Variants in GPATCH8 observed in about 807,000 individuals in gnomAD.
GPATCH8 encodes G-patch domain containing 8, also known as G patch domain-containing protein 8.
GPATCH8 carries 18 observed loss-of-function variants against 118.3 expected under a neutral mutation model. The observed-to-expected ratio is 0.15, with a 90% CI of 0.11 to 0.23. The LOEUF is 0.23. GPATCH8 is among the 10% of genes least tolerant of loss of function. The probability of loss-of-function intolerance (pLI) is 1.00; values close to 1 mark genes in which losing one functional copy is unlikely to be tolerated. For missense variants in GPATCH8, 1,631 were observed against 1,873.8 expected, an observed-to-expected ratio of 0.87 and a Z score of 2.39; for synonymous variants, 659 against 684.7, an observed-to-expected ratio of 0.96 and a Z score of 0.59.
intron 1 of GPATCH8, among the ~76,000 whole-genome samples, chr17:44,494,044 T>C (rs1969483105): frequency 6.6e-6 from 1 of 152,218 alleles, no homozygotes; most frequent in Non-Finnish European, 1.5e-5. Context: ...GCCTTAATGA[T>C]GTACTCTCAT....
chr17:44,494,319 C>T (rs983714913), intron 1 of GPATCH8, among the ~76,000 whole-genome samples: 2 of 152,072 alleles, frequency 1.3e-5, no homozygotes, highest in African/African-American at 2.4e-5. Flanking sequence ...CGGCCGGGCA[C>T]GGTGGCTCAC....
rs113202833 is a variant in GPATCH8, at chr17:44,428,917, G to A, written c.349-4425C>T. 5.6e-3 allele frequency among the ~76,000 whole-genome samples: 853 copies of A among 152,040 alleles called. 13 individuals are homozygous for A. The highest frequency in any genetic ancestry group is 0.02 in the African/African-American group (819 of 41,446). ...AGCACTGTGGGAGGCCGAGGTGGGC[G>A]GTTCACGAGGTCAGGAGATCGAGAC... On this transcript the variant is annotated intron_variant, in intron 5 of 7. Transcript: ENST00000591680.
At chr17:44,473,438 A>G (rs1190672915) in intron 2 of GPATCH8, 2 of 152,176 alleles carry the variant, frequency 1.3e-5, no homozygotes, top group Non-Finnish European at 2.9e-5. Context: ...CCCGGCCTAA[A>G]ATCAGTGATT....
chr17:44,494,673 A>G lies in GPATCH8; in HGVS notation c.45+8653T>C, dbSNP rs530681627. Among the ~76,000 whole-genome samples the G allele has an allele frequency of 8.5e-4, 129 of 152,314 alleles. 1 individual carries two copies. Among genetic ancestry groups the G allele is most frequent in the African/African-American group, 2.9e-3 (121 of 41,568 alleles). On this transcript the variant is annotated intron_variant, in intron 1 of 7. Transcript: ENST00000591680. ...CCTCTACTCCTTTGCTCCTATTCAC[A>G]TTAACTCTGGTTAAGAGAGACTGGT...
chr17:44,496,420 T>C (rs971955294), intron 1 of GPATCH8, among the ~76,000 whole-genome samples: 2 of 152,192 alleles, frequency 1.3e-5, no homozygotes, highest in Non-Finnish European at 2.9e-5. Context: ...CTCAATTCTA[T>C]GAAACAGTAA....
chr17:44,457,103 T>C (rs1021569487), intron 3 of GPATCH8, among the ~76,000 whole-genome samples: 1 of 152,112 alleles, frequency 6.6e-6, no homozygotes, highest in African/African-American at 2.4e-5. Flanking sequence ...CCTCAGGTGA[T>C]CTGCCCGCCT....
At chr17:44,456,442 T>C (rs1299730556) in intron 3 of GPATCH8, among the ~76,000 whole-genome samples, 1 of 152,196 alleles carries the variant, frequency 6.6e-6, no homozygotes, top group Non-Finnish European at 1.5e-5. Flanking sequence ...TTAATTCATA[T>C]TCTAATTTAA....
chr17:44,444,783 A>G (rs1251382521), intron 3 of GPATCH8, among the ~76,000 whole-genome samples: 7 of 140,292 alleles, frequency 5.0e-5, no homozygotes, highest in South Asian at 2.1e-4. Flanking sequence ...TCACGGGGGG[A>G]AAAAAAGTGG....
At chr17:44,492,445 T>A (rs1189693823) in intron 1 of GPATCH8, among the ~76,000 whole-genome samples, 229 of 109,074 alleles carry the variant, frequency 2.1e-3, no homozygotes, top group Middle Eastern at 0.018. Flanking sequence ...GGTGGTGGGC[T>A]CCTGTAGTCC....
At chr17:44,495,515 T>G (rs1315619602) in intron 1 of GPATCH8, among the ~76,000 whole-genome samples, 1 of 152,182 alleles carries the variant, frequency 6.6e-6, no homozygotes, top group Non-Finnish European at 1.5e-5. Context: ...TCTCTCCAAC[T>G]AAAATGAAAA....
chr17:44,399,279 T>C lies in GPATCH8; in HGVS notation c.2798A>G (p.Asp933Gly), dbSNP rs745662016. The C allele has an allele frequency of 8.7e-6, 14 of 1,613,916 alleles. No individual in the cohort carries two copies. Among genetic ancestry groups the C allele is most frequent in the African/African-American group, 2.7e-5 (2 of 74,922 alleles). The change falls in exon 8 of 8, where the codon GAT becomes GGT. Residue 933 changes from aspartate (D) to glycine (G), a missense_variant. Physicochemically the swap from Asp to Gly is moderately conservative, Grantham distance 94. Transcript: ENST00000591680. ...SKRHKYSSSD[D>G]DYSLSCSQSR... ...CTGGCTGCAACTGAGGCTATAGTCA[T>C]CATCAGAAGATGAATATTTGTGCCG...
At chr17:44,439,668 T>C (rs1035189599) in intron 3 of GPATCH8, among the ~76,000 whole-genome samples, 1 of 152,104 alleles carries the variant, frequency 6.6e-6, no homozygotes, top group Non-Finnish European at 1.5e-5. Context: ...TCAGTTGCTA[T>C]CAATGATAAT....
chr17:44,403,738 G>A (rs1016215631), intron 7 of GPATCH8, among the ~76,000 whole-genome samples: 2 of 150,408 alleles, frequency 1.3e-5, no homozygotes, highest in Non-Finnish European at 2.9e-5. Context: ...TTGTTGCCCC[G>A]GCTGGAGTGC....
intron 1 of GPATCH8, among the ~76,000 whole-genome samples, chr17:44,488,074 C>T (rs1270909716): frequency 1.3e-5 from 2 of 150,598 alleles, no homozygotes; most frequent in East Asian, 2.0e-4. Flanking sequence ...AGGAGTGCGC[C>T]ACCACATCCG....
chr17:44,476,162 A>G (rs1014744465), intron 1 of GPATCH8, among the ~76,000 whole-genome samples: 1 of 152,126 alleles, frequency 6.6e-6, no homozygotes, highest in Non-Finnish European at 1.5e-5. Context: ...GACTGACTAC[A>G]TTAGGAAGAC....
chr17:44,404,197 C>A (rs929218747), intron 7 of GPATCH8, among the ~76,000 whole-genome samples: 2 of 151,902 alleles, frequency 1.3e-5, no homozygotes, highest in African/African-American at 4.8e-5. Context: ...GAGTGCAGTG[C>A]TGTGATCACA....
chr17:44,474,215 T>A (rs762967071), intron 2 of GPATCH8, among the ~76,000 whole-genome samples: 2 of 152,200 alleles, frequency 1.3e-5, no homozygotes, highest in Non-Finnish European at 2.9e-5. Flanking sequence ...GAAGTTTTTT[T>A]AAAACTAAGA....
chr17:44,498,005 G>C (rs527420416), intron 1 of GPATCH8, among the ~76,000 whole-genome samples: 1 of 152,172 alleles, frequency 6.6e-6, no homozygotes, highest in Admixed American at 6.5e-5. Context: ...CATGTACCCA[G>C]ATAGACAGAA....
Position 44,401,164 on chromosome 17 carries a change from C to A in GPATCH8, c.913G>T (p.Ala305Ser). 1.2e-6 allele frequency: 2 copies of A among 1,614,062 alleles called. No individual in the cohort carries two copies. The highest frequency in any genetic ancestry group is 1.7e-6 in the Non-Finnish European group (2 of 1,179,990). ...TCGAGTTTGACAGGAGCCTTTTTGG[C>A]AAAAGAAAATGACACTCCCAATTTT... ...LQKLGVSFSFAKKAPVKLESI... is the reference protein window; with the variant it reads ...LQKLGVSFSFSKKAPVKLESI... The change falls in exon 8 of 8, where the codon GCC becomes TCC. Residue 305 changes from alanine (A) to serine (S), a missense_variant. This residue lies in a region of GPATCH8 where 405 missense variants were observed against 462.7 expected (regional missense o/e 0.88). Transcript: ENST00000591680.
Sources: gnomAD v4.1 joint callset for allele counts (sites outside exome capture counted in the v4.1 genomes callset) on GRCh38, gnomAD v4.1.1 for gene constraint, gnomAD v4.1.1 regional missense constraint, MANE v1.5 for transcripts, NCBI Gene and HGNC (gene_info 2026-07-23, HGNC 2026-07-21) for gene names.